ABCE1: variants seen among roughly 807,000 people sequenced by gnomAD.
ABCE1 encodes ATP binding cassette subfamily E member 1, also known as ATP-binding cassette sub-family E member 1.
ABCE1 carries 22 observed loss-of-function variants against 83.4 expected under a neutral mutation model. The ratio of observed to expected loss-of-function variants is 0.26; its 90% CI spans 0.19 to 0.38. The LOEUF is 0.38. Among genes scored for constraint, ABCE1 ranks in the 10% least tolerant of loss-of-function variants. ABCE1 has a pLI of 1.00. For synonymous variants in ABCE1, 204 were observed against 233.7 expected (o/e 0.87, Z 1.16); for missense variants, 330 against 721.9 (o/e 0.46, Z 6.22).
rs1749974297 is a variant in ABCE1, at chr4:145,129,208, TAA to T, written c.*1636_*1637del. ...TGTCTTAAAGAAAGTACTTGTGATATAAGAGCACAGTTCTACTTACTGCTAAT... is the reference window on the plus strand; with the variant it reads ...TGTCTTAAAGAAAGTACTTGTGATATGAGCACAGTTCTACTTACTGCTAAT... On this transcript the variant is annotated 3_prime_UTR_variant, in exon 18 of 18. Coordinates refer to ENST00000296577, the MANE Select transcript of ABCE1 (RefSeq NM_002940.3). The T allele has an allele frequency of 6.6e-6, 1 of 152,208 alleles. No individual in the cohort carries two copies. The highest frequency in any genetic ancestry group is 1.5e-5 in the Non-Finnish European group (1 of 68,020). 9.4% of individuals were successfully genotyped at this position (152,208 alleles called of 1,614,324 possible).
rs1749237185 is a variant in ABCE1 at position 145,104,264 on chromosome 4, T to A, written c.-27-122T>A. 7 of 411,676 alleles carry A rather than the reference T, an allele frequency of 1.7e-5. No individual in the cohort carries two copies. The East Asian group carries it at 2.2e-4, about 13-fold the overall frequency. 25.5% of individuals were successfully genotyped at this position (411,676 alleles called of 1,614,324 possible). On this transcript the variant is annotated intron_variant, in intron 1 of 17. Coordinates refer to ENST00000296577, the MANE Select transcript of ABCE1 (RefSeq NM_002940.3). The stretch of plus-strand genomic sequence containing the variant: ...TTTTTACATTTGTCAAAATTTATAT[T>A]TTTTTTTTGCAGATAATCATTTCAT...
rs34787215 is a variant in ABCE1, at chr4:145,101,066, TA to T, written c.-28+2655del. ...TGTGTGCATATACACCAGATATATA[TA>T]AAAAAAATATATATATGGAATATAT... On this transcript the variant is annotated intron_variant, in intron 1 of 17. Transcript: ENST00000296577. Among the ~76,000 whole-genome samples, 466 of 150,958 alleles carry T rather than the reference TA, an allele frequency of 3.1e-3. 2 individuals are homozygous for T. The highest frequency in any genetic ancestry group is 0.027 in the Middle Eastern group (8 of 294).
In ABCE1 at chr4:145,109,936, T is replaced by C. The variant is rs1461043458; in HGVS notation, c.406-167T>C. Among the ~76,000 whole-genome samples, 3 of 152,326 alleles carry C rather than the reference T, an allele frequency of 2.0e-5. No individual in the cohort carries two copies. In the South Asian group the frequency reaches 6.2e-4, roughly 32 times the overall value. ...TAATATCTGTTCTGTTTTCTTTCTT[T>C]GCTGCTATAGGGAAATGAGACTTTT... On this transcript the variant is annotated intron_variant, in intron 5 of 17. Transcript: ENST00000296577.
chr4:145,111,464 C>T (rs926088828), intron 8 of ABCE1, among the ~76,000 whole-genome samples: 3 of 152,184 alleles, frequency 2.0e-5, no homozygotes, highest in Non-Finnish European at 4.4e-5. Context: ...GCTGGGACTA[C>T]AGACGCCCGC....
intron 4 of ABCE1, among the ~76,000 whole-genome samples, chr4:145,108,419 G>C (rs1440246684): frequency 1.3e-5 from 2 of 152,164 alleles, no homozygotes; most frequent in Non-Finnish European, 2.9e-5. Flanking sequence ...AACTGGGACT[G>C]AGAGTCACTG....
chr4:145,114,079 A>G (rs1749550625), intron 9 of ABCE1, among the ~76,000 whole-genome samples: 1 of 152,190 alleles, frequency 6.6e-6, no homozygotes, highest in South Asian at 2.1e-4. Context: ...TAACTAATTC[A>G]TGTAGATACT....
At chr4:145,119,341 G>T (rs1749681687) in intron 10 of ABCE1, among the ~76,000 whole-genome samples, 1 of 151,762 alleles carries the variant, frequency 6.6e-6, no homozygotes, top group Admixed American at 6.6e-5. Flanking sequence ...GAGGGTTCTT[G>T]TATACAATGT....
intron 13 of ABCE1, 35 bp downstream of exon 13, chr4:145,121,426 A>C: frequency 6.7e-7 from 1 of 1,482,264 alleles, no homozygotes; most frequent in South Asian, 1.2e-5. Context: ...TACTAAAGAA[A>C]ATTTTGTATA....
At chr4:145,105,544 CAG>C in intron 2 of ABCE1, 59 bp from the exon 3 acceptor site, 1 of 1,236,212 alleles carries the variant, frequency 8.1e-7, no homozygotes, top group South Asian at 1.3e-5. Context: ...GCCTAAATAA[CAG>C]TGTTCGGAAA....
chr4:145,105,452 A>G (rs1407899975), intron 2 of ABCE1, among the ~76,000 whole-genome samples, 153 bp from the exon 3 acceptor site: 1 of 152,120 alleles, frequency 6.6e-6, no homozygotes, highest in Admixed American at 6.5e-5. Flanking sequence ...GCACTGATTT[A>G]AGACATTATC....
At chr4:145,109,367 C>A in intron 5 of ABCE1, 118 bp downstream of exon 5, 1 of 557,500 alleles carries the variant, frequency 1.8e-6, no homozygotes, top group Non-Finnish European at 3.0e-6. Context: ...GGAATTAATG[C>A]TGAGAAATTT....
intron 17 of ABCE1, 115 bp downstream of exon 17, chr4:145,125,216 A>C (rs1749848797): frequency 1.4e-6 from 1 of 740,316 alleles, no homozygotes; most frequent in Non-Finnish European, 2.1e-6. Context: ...CCTGTGATTC[A>C]AGCACTTTTG....
At chr4:145,124,244 CAT>C (rs1749816187) in intron 16 of ABCE1, among the ~76,000 whole-genome samples, 1 of 152,074 alleles carries the variant, frequency 6.6e-6, no homozygotes, top group Non-Finnish European at 1.5e-5. Flanking sequence ...CCAGCAGTTT[CAT>C]GTGGTTTCAG....
chr4:145,126,053 C>T (rs952590701), intron 17 of ABCE1, among the ~76,000 whole-genome samples: 11 of 151,964 alleles, frequency 7.2e-5, no homozygotes, highest in Admixed American at 3.9e-4. Context: ...CCCCCGCCCC[C>T]GCAACCCCCG....
intron 3 of ABCE1, 38 bp downstream of exon 3, chr4:145,105,728 C>T (rs374131190): frequency 5.0e-5 from 72 of 1,441,264 alleles, no homozygotes; most frequent in Non-Finnish European, 6.5e-5. Context: ...AACGTGTAAC[C>T]TAAAACTGAA....
rs376749487 is a variant in ABCE1 at position 145,104,393 on chromosome 4, G to A, written c.-20G>A. 80 of 1,527,582 alleles carry A rather than the reference G, an allele frequency of 5.2e-5. No homozygotes were observed. The highest frequency in any genetic ancestry group is 3.5e-4 in the Admixed American group (19 of 54,528). The allele number at this position is 1,527,582 out of a possible 1,614,324, so 94.6% of individuals were successfully genotyped here. On this transcript the variant is annotated 5_prime_UTR_variant, in exon 2 of 18. Coordinates refer to ENST00000296577, the MANE Select transcript of ABCE1 (RefSeq NM_002940.3). ...TTGATTTTTCTTTCATAGAAGAGCT[G>A]GATATTCTTTCGCCCAGTTATGGCA...
intron 17 of ABCE1, among the ~76,000 whole-genome samples, chr4:145,126,929 G>T (rs1003256092): frequency 1.3e-5 from 2 of 151,946 alleles, no homozygotes; most frequent in Admixed American, 6.6e-5. Context: ...AAGCATATTG[G>T]GTAGAAAAGA....
chr4:145,128,660 C>CT lies in ABCE1; in HGVS notation c.*1088dup, dbSNP rs1423048600. On this transcript the variant is annotated 3_prime_UTR_variant, in exon 18 of 18. Coordinates refer to ENST00000296577, the MANE Select transcript of ABCE1 (RefSeq NM_002940.3). ...AATTTTGAACAGGATTACCTGGAGC[C>CT]TGGAGCCACTTTAAGTTGTACTTCT... The CT allele has an allele frequency of 1.1e-4, 16 of 152,264 alleles. No individual in the cohort carries two copies. The highest frequency in any genetic ancestry group is 3.6e-4 in the African/African-American group (15 of 41,554). The allele number at this position is 152,264 out of a possible 1,614,324, so 9.4% of individuals were successfully genotyped here.
At chr4:145,111,950 G>C (rs1560960178) in intron 8 of ABCE1, among the ~76,000 whole-genome samples, 1 of 152,164 alleles carries the variant, frequency 6.6e-6, no homozygotes, top group Admixed American at 6.5e-5. Context: ...AACTACTTGA[G>C]ACTATATCAG....
Sources: gnomAD v4.1 joint callset for allele counts (sites outside exome capture counted in the v4.1 genomes callset) on GRCh38, gnomAD v4.1.1 for gene constraint, MANE v1.5 for transcripts, NCBI Gene and HGNC (gene_info 2026-07-23, HGNC 2026-07-21) for gene names.